CCNE1: variants seen among roughly 807,000 people sequenced by gnomAD.
The protein encoded by CCNE1 is G1/S-specific cyclin-E1.
A neutral mutation model predicts 54.1 loss-of-function variants in CCNE1; 8 were observed. That is an observed-to-expected ratio of 0.15 (90% CI 0.09 to 0.27). The LOEUF (loss-of-function observed/expected upper bound fraction) is 0.27, where lower values mean the gene tolerates loss of function less well. Among genes scored for constraint, CCNE1 ranks in the 10% least tolerant of loss-of-function variants. CCNE1 has a pLI of 1.00. For synonymous variants in CCNE1, 179 were observed against 185.2 expected (o/e 0.97, Z 0.27); for missense variants, 430 against 514.9 (o/e 0.84, Z 1.60).
Position 29,822,233 on chromosome 19 carries a change from T to C in CCNE1, c.841-7T>C. ...CATCCATCTCAGCGTTCTTTTCTTC[T>C]CCGTAGCTGTTGGATCTCTGTGTCC... is the stretch of plus-strand genomic sequence containing the variant. On this transcript the variant is annotated splice_polypyrimidine_tract_variant and splice_region_variant and intron_variant, in intron 9 of 11. Coordinates refer to ENST00000262643, the MANE Select transcript of CCNE1 (RefSeq NM_001238.4). The C allele has an allele frequency of 1.9e-6, 3 of 1,612,860 alleles. No homozygotes were observed. The highest frequency in any genetic ancestry group is 2.5e-6 in the Non-Finnish European group (3 of 1,179,094).
At chr19:29,822,869 G>A (rs1214856917) in intron 11 of CCNE1, among the ~76,000 whole-genome samples, 1 of 151,876 alleles carries the variant, frequency 6.6e-6, no homozygotes, top group African/African-American at 2.4e-5. Context: ...ATCTGAACCC[G>A]GGAGGCGGAG....
intron 11 of CCNE1, among the ~76,000 whole-genome samples, chr19:29,823,265 C>G (rs1974193920): frequency 6.6e-6 from 1 of 152,068 alleles, no homozygotes; most frequent in African/African-American, 2.4e-5. Flanking sequence ...AAAAACTAGC[C>G]AGGCATGGTG....
At chr19:29,813,390 G>T in intron 4 of CCNE1, 1 of 227,354 alleles carries the variant, frequency 4.4e-6, no homozygotes, top group Non-Finnish European at 8.7e-6. Flanking sequence ...GCCATCCAGG[G>T]GCAAAGTTGG....
Position 29,812,601 on chromosome 19 carries a change from C to CGGACGGGACG in CCNE1, c.23+41_23+50dup, listed in dbSNP as rs567572959. ...GCGGTGAGTGCCCGCGCCGCGGGGC[C>CGGACGGGACG]GGACGGGACGGGACGGGACGGGACG... On this transcript the variant is annotated intron_variant, in intron 2 of 11. Coordinates refer to ENST00000262643, the MANE Select transcript of CCNE1 (RefSeq NM_001238.4). 1.1e-3 allele frequency: 1,672 copies of CGGACGGGACG among 1,533,564 alleles called. 3 individuals are homozygous for CGGACGGGACG. The highest frequency in any genetic ancestry group is 1.3e-3 in the Non-Finnish European group (1,510 of 1,141,784). The allele number at this position is 1,533,564 out of a possible 1,614,324, so 95.0% of individuals were successfully genotyped here.
chr19:29,823,813 C>T lies in CCNE1; in HGVS notation c.*36C>T, dbSNP rs1974212718. On this transcript the variant is annotated 3_prime_UTR_variant, in exon 12 of 12. Transcript: ENST00000262643. ...CTTCTCCACCAAAGACAGTTGCGCG[C>T]CTGCTCCACGTTCTCTTCTGTCTGT... 3 of 1,581,022 alleles carry T rather than the reference C, an allele frequency of 1.9e-6. No individual in the cohort carries two copies. Among genetic ancestry groups the T allele is most frequent in the Middle Eastern group, 1.8e-4 (1 of 5,446 alleles).
intron 4 of CCNE1, among the ~76,000 whole-genome samples, chr19:29,816,237 A>C (rs1269921421): frequency 6.6e-6 from 1 of 151,996 alleles, no homozygotes; most frequent in African/African-American, 2.4e-5. Context: ...TAATATCTTT[A>C]GCAAAGTTAC....
chr19:29,820,164 G>A (rs1019009397), intron 6 of CCNE1, among the ~76,000 whole-genome samples: 2 of 152,176 alleles, frequency 1.3e-5, no homozygotes, highest in Admixed American at 1.3e-4. Flanking sequence ...ACAGGCAGGT[G>A]GCCTACTCCA....
At chr19:29,812,472 G>A in intron 1 of CCNE1, 60 bp from the exon 2 acceptor site, 1 of 1,143,238 alleles carries the variant, frequency 8.7e-7, no homozygotes, top group Non-Finnish European at 1.1e-6. Flanking sequence ...CGCAAAGGGG[G>A]AAGGGGTACT....
chr19:29,815,457 T>C (rs777618004), intron 4 of CCNE1, among the ~76,000 whole-genome samples: 1 of 152,144 alleles, frequency 6.6e-6, no homozygotes. Context: ...CTGGCTTTGC[T>C]CTTCTAACTG....
At position 29,823,795 on chromosome 19, in the gene CCNE1, A is replaced by G; in HGVS notation, c.*18A>G. 1 of 1,598,132 alleles carries G rather than the reference A, an allele frequency of 6.3e-7. No individual in the cohort carries two copies. Among genetic ancestry groups the G allele is most frequent in the Non-Finnish European group, 8.5e-7 (1 of 1,171,714 alleles). ...TGGCGTGACCACCCCATCCTTCTCC[A>G]CCAAAGACAGTTGCGCGCCTGCTCC... On this transcript the variant is annotated 3_prime_UTR_variant, in exon 12 of 12. Transcript: ENST00000262643.
chr19:29,813,217 G>C, intron 4 of CCNE1, 180 bp downstream of exon 4: 1 of 603,004 alleles, frequency 1.7e-6, no homozygotes, highest in Non-Finnish European at 2.9e-6. Context: ...TGCCAGTCCT[G>C]GGATTCCAGG....
At chr19:29,812,826 GT>G (rs1973926504) in intron 3 of CCNE1, 50 bp downstream of exon 3, 3 of 1,587,238 alleles carry the variant, frequency 1.9e-6, no homozygotes, top group African/African-American at 2.7e-5. Context: ...TCTCACCTGG[GT>G]ACCCGACTTG....
At chr19:29,815,687 G>A (rs1377346369) in intron 4 of CCNE1, among the ~76,000 whole-genome samples, 1 of 149,272 alleles carries the variant, frequency 6.7e-6, no homozygotes, top group Non-Finnish European at 1.5e-5. Flanking sequence ...GGAGAGCAAT[G>A]GCGCGAGCTC....
At chr19:29,818,030 T>G (rs1974067189) in intron 6 of CCNE1, among the ~76,000 whole-genome samples, 1 of 148,776 alleles carries the variant, frequency 6.7e-6, no homozygotes, top group African/African-American at 2.5e-5. Flanking sequence ...CCCAGTATTT[T>G]TTTTTTTTTT....
At chr19:29,816,679 A>G (rs1405925009) in intron 4 of CCNE1, among the ~76,000 whole-genome samples, 1 of 152,220 alleles carries the variant, frequency 6.6e-6, no homozygotes, top group Non-Finnish European at 1.5e-5. Context: ...TTTAATACAT[A>G]TGGCAGCCAA....
chr19:29,821,582 G>A (rs548661952), intron 7 of CCNE1, 140 bp from the exon 8 acceptor site: 2 of 316,352 alleles, frequency 6.3e-6, no homozygotes, highest in South Asian at 9.8e-5. Context: ...ACAACCATTG[G>A]TGTGGCTTCT....
At chr19:29,812,813 C>CG (rs780389961) in intron 3 of CCNE1, 37 bp downstream of exon 3, 5 of 1,582,754 alleles carry the variant, frequency 3.2e-6, no homozygotes, top group African/African-American at 2.7e-5. Flanking sequence ...AGCATCCCCC[C>CG]CATCTCACCT....
intron 6 of CCNE1, among the ~76,000 whole-genome samples, chr19:29,818,387 C>G (rs570767939): frequency 2.2e-4 from 34 of 152,208 alleles, no homozygotes; most frequent in African/African-American, 7.0e-4. Context: ...GTCTTGAACT[C>G]CTGACCTTGT....
chr19:29,812,715 A>C lies in CCNE1; in HGVS notation c.50A>C (p.Lys17Thr). ...GATGCGAAGGAGCGGGACACCATGAAGGAGGACGGCGGCGCGGAGTTCTCG... is the reference window on the plus strand; with the variant it reads ...GATGCGAAGGAGCGGGACACCATGACGGAGGACGGCGGCGCGGAGTTCTCG... ...ERDAKERDTM[K>T]EDGGAEFSAR... Residue 17 changes from lysine (K) to threonine (T), a missense_variant, in exon 3 of 12, where the codon AAG (lysine) becomes ACG (threonine). Transcript: ENST00000262643. 1 of 1,593,854 alleles carries C rather than the reference A, an allele frequency of 6.3e-7. No homozygotes were observed. Among genetic ancestry groups the C allele is most frequent in the Non-Finnish European group, 8.5e-7 (1 of 1,172,266 alleles).
Sources: allele counts gnomAD v4.1 joint callset (sites outside exome capture counted in the v4.1 genomes callset), GRCh38; gene constraint gnomAD v4.1.1; transcripts MANE v1.5; gene names NCBI Gene and HGNC (gene_info 2026-07-23, HGNC 2026-07-21).